The following CLSTN2 variants were observed in gnomAD, a reference collection of about 807,000 sequenced individuals.
CLSTN2 encodes the protein calsyntenin 2, also known as calsyntenin-2.
Under a neutral mutation model 101.2 loss-of-function variants are expected in CLSTN2, and 48 were observed. The observed-to-expected ratio is 0.47, with a 90% CI of 0.38 to 0.60. The LOEUF is 0.60. CLSTN2 is among the 20% of genes least tolerant of loss of function. CLSTN2 has a pLI of 0.00. For synonymous variants in CLSTN2, 481 were observed against 463.6 expected, an observed-to-expected ratio of 1.04 and a Z score of -0.48; for missense variants, 1,160 against 1,238.2, an observed-to-expected ratio of 0.94 and a Z score of 0.95.
intron 1 of CLSTN2, among the ~76,000 whole-genome samples, chr3:140,088,546 A>T (rs990190132): frequency 1.3e-5 from 2 of 152,200 alleles, no homozygotes; most frequent in Admixed American, 1.3e-4. Flanking sequence ...AGGTCATTTG[A>T]GCTGCCCTTC....
intron 1 of CLSTN2, among the ~76,000 whole-genome samples, chr3:140,144,314 G>A (rs1304852439): frequency 2.0e-5 from 3 of 152,108 alleles, no homozygotes; most frequent in Non-Finnish European, 4.4e-5. Context: ...TACATTAAAA[G>A]TACTTAAAAT....
At chr3:140,088,273 G>A (rs1410292761) in intron 1 of CLSTN2, among the ~76,000 whole-genome samples, 9 of 152,150 alleles carry the variant, frequency 5.9e-5, no homozygotes, top group Non-Finnish European at 1.2e-4. Flanking sequence ...TTTAACAGAT[G>A]TCCATTATCT....
chr3:140,466,472 G>C, intron 7 of CLSTN2, 138 bp from the exon 8 acceptor site: 1 of 963,078 alleles, frequency 1.0e-6, no homozygotes, highest in Non-Finnish European at 1.6e-6. Context: ...TATCATCAGA[G>C]CCTGTTGTAA....
At chr3:140,288,624 G>T (rs2086920384) in intron 2 of CLSTN2, among the ~76,000 whole-genome samples, 1 of 152,110 alleles carries the variant, frequency 6.6e-6, no homozygotes, top group Admixed American at 6.5e-5. Flanking sequence ...CTGATCAATT[G>T]TTTTGATTTT....
intron 2 of CLSTN2, among the ~76,000 whole-genome samples, chr3:140,184,285 C>A (rs143690867): frequency 5.4e-4 from 83 of 152,308 alleles, no homozygotes; most frequent in African/African-American, 1.9e-3. Flanking sequence ...ATGTAAAGAA[C>A]TTCCCTGAGA....
chr3:139,993,691 C>T (rs1936154375), intron 1 of CLSTN2, among the ~76,000 whole-genome samples: 1 of 152,190 alleles, frequency 6.6e-6, no homozygotes, highest in Admixed American at 6.5e-5. Context: ...GCTGAGGTCC[C>T]AAACAGTGGC....
chr3:140,033,355 A>G (rs2007594811), intron 1 of CLSTN2, among the ~76,000 whole-genome samples: 1 of 152,204 alleles, frequency 6.6e-6, no homozygotes, highest in Non-Finnish European at 1.5e-5. Context: ...TGCCTTTCTT[A>G]TGCCAGGTGC....
intron 1 of CLSTN2, among the ~76,000 whole-genome samples, chr3:140,102,519 T>C (rs73868716): frequency 0.075 from 11,490 of 152,298 alleles, 476 homozygotes; most frequent in East Asian, 0.18. Flanking sequence ...GATTTCAAGT[T>C]GAAACTTTGA....
chr3:140,445,090 C>T (rs1933044059), intron 5 of CLSTN2, among the ~76,000 whole-genome samples: 1 of 152,164 alleles, frequency 6.6e-6, no homozygotes, highest in African/African-American at 2.4e-5. Context: ...CCCTCAAAAA[C>T]AAGCCTCTTG....
chr3:139,943,288 C>T (rs183241884), intron 1 of CLSTN2, among the ~76,000 whole-genome samples: 1 of 152,326 alleles, frequency 6.6e-6, no homozygotes, highest in East Asian at 1.9e-4. Context: ...CCCATTGCTT[C>T]TGCCTTGTTT....
intron 8 of CLSTN2, among the ~76,000 whole-genome samples, chr3:140,497,073 C>A (rs191825528): frequency 7.1e-6 from 1 of 141,528 alleles, no homozygotes; most frequent in African/African-American, 2.7e-5. Flanking sequence ...TAACCTCTAG[C>A]TTGGGTGACA....
intron 2 of CLSTN2, among the ~76,000 whole-genome samples, chr3:140,244,349 C>G (rs2086496335): frequency 6.6e-6 from 1 of 152,204 alleles, no homozygotes; most frequent in African/African-American, 2.4e-5. Flanking sequence ...ACTGACATCA[C>G]TGCCTTTCAG....
chr3:140,036,728 C>G (rs1560075950), intron 1 of CLSTN2, among the ~76,000 whole-genome samples: 1 of 151,836 alleles, frequency 6.6e-6, no homozygotes, highest in Non-Finnish European at 1.5e-5. Flanking sequence ...CTAGATCTAT[C>G]TTTACAGGGG....
chr3:140,366,800 T>A (rs1473363085), intron 2 of CLSTN2, among the ~76,000 whole-genome samples: 2 of 152,220 alleles, frequency 1.3e-5, no homozygotes, highest in East Asian at 3.9e-4. Flanking sequence ...CTTTCTTATA[T>A]ATTTGGATTT....
chr3:140,473,003 C>T (rs1360530787), intron 8 of CLSTN2, among the ~76,000 whole-genome samples: 1 of 152,184 alleles, frequency 6.6e-6, no homozygotes, highest in Non-Finnish European at 1.5e-5. Flanking sequence ...ATGGTGTTGG[C>T]AGAGAAGGGT....
rs182583412 is a variant in CLSTN2 at position 140,406,829 on chromosome 3, C to T, written c.637+2063C>T. On this transcript the variant is annotated intron_variant, in intron 4 of 16. Coordinates refer to ENST00000458420, the MANE Select transcript of CLSTN2 (RefSeq NM_022131.3). ...TGGTCAAGCTCTACTTGGCCTCCTG[C>T]CCTAGTTCTGAAGAGCCACAGCTCA... Among the ~76,000 whole-genome samples, 7 of 152,342 alleles carry T rather than the reference C, an allele frequency of 4.6e-5. No homozygotes were observed. The East Asian group carries it at 1.3e-3, about 29-fold the overall frequency.
chr3:140,162,522 G>A (rs1036927565), intron 1 of CLSTN2, among the ~76,000 whole-genome samples: 2 of 152,090 alleles, frequency 1.3e-5, no homozygotes, highest in African/African-American at 4.8e-5. Context: ...GCAGACATGT[G>A]GATGCAAATA....
At chr3:140,340,951 G>A (rs968731195) in intron 2 of CLSTN2, among the ~76,000 whole-genome samples, 6 of 152,150 alleles carry the variant, frequency 3.9e-5, no homozygotes, top group Non-Finnish European at 4.4e-5. Context: ...TGAGGTTATG[G>A]GTTTTGAGGA....
In CLSTN2 at chr3:140,532,033, T is replaced by A. The variant is rs141629515; in HGVS notation, c.1345-291T>A. 4.2e-3 allele frequency among the ~76,000 whole-genome samples: 633 copies of A among 152,256 alleles called. 3 individuals are homozygous for A. The highest frequency in any genetic ancestry group is 0.013 in the African/African-American group (547 of 41,540). The stretch of plus-strand genomic sequence containing the variant: ...AGTCCAGGCCAGTAGGACCCACTTG[T>A]GGTTCTTCTCTGCCTCCCCAGGTGC... On this transcript the variant is annotated intron_variant, in intron 8 of 16. Coordinates refer to ENST00000458420, the MANE Select transcript of CLSTN2 (RefSeq NM_022131.3).
Sources: gnomAD v4.1 joint callset for allele counts (sites outside exome capture counted in the v4.1 genomes callset) on GRCh38, gnomAD v4.1.1 for gene constraint, MANE v1.5 for transcripts, NCBI Gene and HGNC (gene_info 2026-07-23, HGNC 2026-07-21) for gene names.